Variants in DPYSL2 observed in about 807,000 individuals in gnomAD.
DPYSL2 encodes the protein dihydropyrimidinase-related protein 2.
In DPYSL2, 13 loss-of-function variants were observed where a neutral mutation model predicts 69.9. That is an observed-to-expected ratio of 0.19 (90% CI 0.12 to 0.30). The LOEUF (loss-of-function observed/expected upper bound fraction) is 0.30, where lower values mean the gene tolerates loss of function less well. Ranked by LOEUF, DPYSL2 falls within the 10% of genes least tolerant of loss-of-function variation. The pLI, the probability that DPYSL2 is intolerant of heterozygous loss-of-function variation, is 1.00. For missense variants in DPYSL2, 587 were observed against 918.9 expected (o/e 0.64, Z 4.67); for synonymous variants, 326 against 359.1 (o/e 0.91, Z 1.04).
In DPYSL2 at chr8:26,584,034, G is replaced by A. The variant is rs374350022; in HGVS notation, c.628+51G>A. 70 of 1,548,198 alleles carry A rather than the reference G, an allele frequency of 4.5e-5. 1 individual carries two copies. The South Asian group carries it at 5.7e-4, about 13-fold the overall frequency. ...TAGTGCTTAGGAAGTGTGAGAGTTT[G>A]CAAATAAGTCTATTGTTTGATTCTC... is the stretch of plus-strand genomic sequence containing the variant. On this transcript the variant is annotated intron_variant, in intron 3 of 13. Coordinates refer to ENST00000521913, the MANE Select transcript of DPYSL2 (RefSeq NM_001197293.3).
At chr8:26,541,707 T>A (rs1406802179) in intron 1 of DPYSL2, among the ~76,000 whole-genome samples, 1 of 152,000 alleles carries the variant, frequency 6.6e-6, no homozygotes, top group Non-Finnish European at 1.5e-5. Flanking sequence ...AATGGTAGTG[T>A]TTTTTTATAC....
In DPYSL2 at chr8:26,625,719, C is replaced by T. The variant is rs549951528; in HGVS notation, c.794-898C>T. Among the ~76,000 whole-genome samples, 292 of 152,298 alleles carry T rather than the reference C, an allele frequency of 1.9e-3. 1 individual carries two copies. Among genetic ancestry groups the T allele is most frequent in the Middle Eastern group, 6.8e-3 (2 of 294 alleles). On this transcript the variant is annotated intron_variant, in intron 4 of 13. Transcript: ENST00000521913. The stretch of plus-strand genomic sequence containing the variant: ...GGCAGTCTGTCTGCCAAAGAAAAGA[C>T]ATTTATCACAGTTCTTCATAGGCAG...
intron 1 of DPYSL2, among the ~76,000 whole-genome samples, chr8:26,543,526 T>C (rs1256343579): frequency 2.0e-5 from 3 of 152,098 alleles, no homozygotes; most frequent in African/African-American, 7.2e-5. Context: ...TTGCTCTTGT[T>C]GCCCAGGCTG....
In DPYSL2 at chr8:26,641,680, C is replaced by T. The variant is rs1381290350; in HGVS notation, c.1127-1759C>T. Among the ~76,000 whole-genome samples, 1 of 152,192 alleles carries T rather than the reference C, an allele frequency of 6.6e-6. No individual in the cohort carries two copies. Among genetic ancestry groups the T allele is most frequent in the Non-Finnish European group, 1.5e-5 (1 of 68,024 alleles). On this transcript the variant is annotated intron_variant, in intron 8 of 13. Coordinates refer to ENST00000521913, the MANE Select transcript of DPYSL2 (RefSeq NM_001197293.3). This position sits in a 1 kb window ranked among gnomAD's most constrained non-coding sequence, Gnocchi z 4.1. ...AGCCAAGGGGACCCTCCTAGGCCTT[C>T]CGAGCACCTAGCACTGGCCCTTTTC...
intron 1 of DPYSL2, among the ~76,000 whole-genome samples, chr8:26,541,407 C>T (rs909583175): frequency 6.6e-6 from 1 of 152,160 alleles, no homozygotes; most frequent in Non-Finnish European, 1.5e-5. Flanking sequence ...CTTGTCATGT[C>T]TTTTTGTTTC....
At chr8:26,632,575 G>T (rs201018675) in intron 7 of DPYSL2, among the ~76,000 whole-genome samples, 34 of 152,098 alleles carry the variant, frequency 2.2e-4, no homozygotes, top group Admixed American at 3.9e-4. Context: ...GTAGTGGCTT[G>T]TACCTGTCAT....
rs370423204 is a variant in DPYSL2, at chr8:26,527,957, A to G, written c.354+13278A>G. Among the ~76,000 whole-genome samples, 39 of 152,078 alleles carry G rather than the reference A, an allele frequency of 2.6e-4. No homozygotes were observed. The East Asian group carries it at 4.3e-3, about 17-fold the overall frequency. ...AGCTGGGATTACAGGCACGCGACAC[A>G]GCACAGAGCTAATTTTTGTATTTTT... is the stretch of plus-strand genomic sequence containing the variant. On this transcript the variant is annotated intron_variant, in intron 1 of 13. Coordinates refer to ENST00000521913, the MANE Select transcript of DPYSL2 (RefSeq NM_001197293.3).
intron 1 of DPYSL2, chr8:26,577,939 G>GA (rs1801394400): frequency 1.7e-6 from 2 of 1,206,132 alleles, no homozygotes; most frequent in Non-Finnish European, 1.0e-6. Flanking sequence ...TTGAACCGAG[G>GA]CTTTTATTGC....
intron 1 of DPYSL2, among the ~76,000 whole-genome samples, chr8:26,538,807 T>C (rs1185630274): frequency 2.4e-4 from 37 of 152,156 alleles, no homozygotes; most frequent in Non-Finnish European, 1.5e-5. Flanking sequence ...GCCAGACCTG[T>C]TGCAAAGAGG....
At position 26,571,340 on chromosome 8, in the gene DPYSL2, C is replaced by A. The variant is rs1405293932; in HGVS notation, c.355-10629C>A. 1.3e-5 allele frequency among the ~76,000 whole-genome samples: 2 copies of A among 152,138 alleles called. No homozygotes were observed. Among genetic ancestry groups the A allele is most frequent in the African/African-American group, 4.8e-5 (2 of 41,430 alleles). On this transcript the variant is annotated intron_variant, in intron 1 of 13. Transcript: ENST00000521913. This position sits in a 1 kb window ranked among gnomAD's most constrained non-coding sequence, Gnocchi z 6.1. ...GAGTACTTGGGCACACCAACGGAAA[C>A]AAGTGATCTCCAAGGCCCTGCCCTG... is the stretch of plus-strand genomic sequence containing the variant.
At chr8:26,556,377 A>T (rs1362248486) in intron 1 of DPYSL2, among the ~76,000 whole-genome samples, 1 of 72,776 alleles carries the variant, frequency 1.4e-5, no homozygotes, top group Non-Finnish European at 2.7e-5. Context: ...ATATATATAT[A>T]GTATATACAC....
Position 26,627,852 on chromosome 8 carries a change from A to G in DPYSL2, c.937-20A>G, listed in dbSNP as rs371438081. 260 of 1,612,624 alleles carry G rather than the reference A, an allele frequency of 1.6e-4. No homozygotes were observed. The highest frequency in any genetic ancestry group is 2.1e-4 in the Non-Finnish European group (248 of 1,179,748). ...AAAATCCACTCTCCCTCACAGCCTG[A>G]CTTTCTCTAAACATTGCAGGAGCAG... is the stretch of plus-strand genomic sequence containing the variant. On this transcript the variant is annotated intron_variant, in intron 6 of 13. Transcript: ENST00000521913. The surrounding 1 kb of genome is among the most constrained non-coding windows in gnomAD (Gnocchi z 6.9).
At chr8:26,567,081 C>G (rs1463386809) in intron 1 of DPYSL2, among the ~76,000 whole-genome samples, 1 of 151,758 alleles carries the variant, frequency 6.6e-6, no homozygotes, top group East Asian at 1.9e-4. Context: ...TTTGTCCACC[C>G]ACACATCCAT....
intron 1 of DPYSL2, among the ~76,000 whole-genome samples, chr8:26,534,957 C>A (rs1261686845): frequency 6.6e-6 from 1 of 152,158 alleles, no homozygotes; most frequent in Admixed American, 6.5e-5. Flanking sequence ...TATCTAGCTA[C>A]AGCATTTCTA....
intron 7 of DPYSL2, among the ~76,000 whole-genome samples, chr8:26,628,567 G>T (rs1480321263): frequency 6.6e-6 from 1 of 152,220 alleles, no homozygotes; most frequent in African/African-American, 2.4e-5. Context: ...ATTTGTGGCT[G>T]TGAAATACTT....
rs772144427 is a variant in DPYSL2 at position 26,627,786 on chromosome 8, C to T, written c.937-86C>T. 43 of 1,375,290 alleles carry T rather than the reference C, an allele frequency of 3.1e-5. No homozygotes were observed. The highest frequency in any genetic ancestry group is 2.4e-4 in the Middle Eastern group (1 of 4,212). The allele number at this position is 1,375,290 out of a possible 1,614,324, so 85.2% of individuals were successfully genotyped here. ...GGCAGTGGTAATTTTCCATCTTGCC[C>T]GGATAACTGCATGCCCGGGCCTCTG... is the stretch of plus-strand genomic sequence containing the variant. On this transcript the variant is annotated intron_variant, in intron 6 of 13. Transcript: ENST00000521913. The surrounding 1 kb of genome is among the most constrained non-coding windows in gnomAD (Gnocchi z 6.9).
chr8:26,645,680 G>C (rs1803147592), intron 10 of DPYSL2, among the ~76,000 whole-genome samples: 1 of 152,016 alleles, frequency 6.6e-6, no homozygotes, highest in Non-Finnish European at 1.5e-5. Flanking sequence ...CCCCTGAGTA[G>C]CTGAGATTAC....
chr8:26,612,795 A>C (rs1484044419), intron 3 of DPYSL2, among the ~76,000 whole-genome samples: 1 of 152,220 alleles, frequency 6.6e-6, no homozygotes. Context: ...AATGCCTAGA[A>C]GGAGGCGGTG....
At position 26,657,318 on chromosome 8, in the gene DPYSL2, C is replaced by G. The variant is rs1324114339; in HGVS notation, c.*1612C>G. The stretch of plus-strand genomic sequence containing the variant: ...TTCTGTCACCTTTCCCCCTAGCTGG[C>G]TCCTTTGGACCTACCCCTGTCCTTG... On this transcript the variant is annotated 3_prime_UTR_variant, in exon 14 of 14. Transcript: ENST00000521913. The G allele has an allele frequency of 6.5e-6, 1 of 152,746 alleles. No individual in the cohort carries two copies. The highest frequency in any genetic ancestry group is 1.5e-5 in the Non-Finnish European group (1 of 68,062). The allele number at this position is 152,746 out of a possible 1,614,324, so 9.5% of individuals were successfully genotyped here.
Sources: gnomAD v4.1 joint callset for allele counts (sites outside exome capture counted in the v4.1 genomes callset) on GRCh38, gnomAD v4.1.1 for gene constraint, Gnocchi (gnomAD v3.1) non-coding constraint, MANE v1.5 for transcripts, NCBI Gene and HGNC (gene_info 2026-07-23, HGNC 2026-07-21) for gene names.